CAMSAP1: variants seen among roughly 807,000 people sequenced by gnomAD.
The protein encoded by CAMSAP1 is calmodulin-regulated spectrin-associated protein 1.
In CAMSAP1, 58 loss-of-function variants were observed where a neutral mutation model predicts 143.5. The ratio of observed to expected loss-of-function variants is 0.40; its 90% CI spans 0.33 to 0.50. The LOEUF (loss-of-function observed/expected upper bound fraction) is 0.50. Among genes scored for constraint, CAMSAP1 ranks in the 20% least tolerant of loss-of-function variants. The pLI is 0.45. For missense variants in CAMSAP1, 1,969 were observed against 2,115.7 expected (o/e 0.93, Z 1.36); for synonymous variants, 945 against 859.3 (o/e 1.10, Z -1.74).
intron 1 of CAMSAP1, among the ~76,000 whole-genome samples, chr9:135,897,891 C>T (rs531846105): frequency 3.9e-5 from 6 of 152,228 alleles, no homozygotes; most frequent in Middle Eastern, 3.4e-3. Context: ...TACTATATTT[C>T]GTTATAGCAG....
chr9:135,896,212 G>C (rs375763744), intron 1 of CAMSAP1, among the ~76,000 whole-genome samples: 9 of 151,466 alleles, frequency 5.9e-5, no homozygotes, highest in African/African-American at 2.2e-4. Context: ...CTAAAAGGAG[G>C]GAAAAAAGAT....
In CAMSAP1 at chr9:135,907,284, C is replaced by T; in HGVS notation, c.-125G>A. On this transcript the variant is annotated 5_prime_UTR_variant, in exon 1 of 17. Coordinates refer to ENST00000389532, the MANE Select transcript of CAMSAP1 (RefSeq NM_015447.4). The stretch of plus-strand genomic sequence containing the variant: ...GCAGCCGGCCAGCCGGGAGGGGCGC[C>T]CGAGCGCGGCCCCCGCCTCACCTCA... The T allele has an allele frequency of 2.0e-6, 1 of 506,940 alleles. No individual in the cohort carries two copies. The highest frequency in any genetic ancestry group is 2.5e-6 in the Non-Finnish European group (1 of 394,308). 31.4% of individuals were successfully genotyped at this position (506,940 alleles called of 1,614,324 possible). A position where few individuals can be genotyped will look rare whatever the true frequency, so the allele number is the denominator to read the frequency against.
Position 135,818,174 on chromosome 9 carries a change from G to C in CAMSAP1, c.4169-95C>G. The stretch of plus-strand genomic sequence containing the variant: ...TGTTCCCCTCACCTCGCCCTGCAGA[G>C]CTCGGCCACACAGGCCGCGTCCCCA... On this transcript the variant is annotated intron_variant, in intron 13 of 16. Transcript: ENST00000389532. This position sits in a 1 kb window ranked among gnomAD's most constrained non-coding sequence, Gnocchi z 7.7. 1 of 1,353,092 alleles carries C rather than the reference G, an allele frequency of 7.4e-7. No homozygotes were observed. The highest frequency in any genetic ancestry group is 1.0e-6 in the Non-Finnish European group (1 of 974,860). 83.8% of individuals were successfully genotyped at this position (1,353,092 alleles called of 1,614,324 possible). A position where few individuals can be genotyped will look rare whatever the true frequency, so the allele number is the denominator to read the frequency against.
intron 1 of CAMSAP1, among the ~76,000 whole-genome samples, chr9:135,890,713 C>T (rs984918612): frequency 1.3e-5 from 2 of 152,192 alleles, no homozygotes; most frequent in African/African-American, 2.4e-5. Flanking sequence ...TCCAAGGGAC[C>T]GCTGGAAGCC....
intron 7 of CAMSAP1, among the ~76,000 whole-genome samples, chr9:135,828,133 T>C (rs1203339452): frequency 6.6e-6 from 1 of 152,252 alleles, no homozygotes. Flanking sequence ...TGAGCCTGGC[T>C]GGGGCGCCAT....
intron 1 of CAMSAP1, among the ~76,000 whole-genome samples, chr9:135,896,096 C>T (rs556280234): frequency 5.9e-5 from 9 of 152,084 alleles, no homozygotes; most frequent in African/African-American, 2.2e-4. Context: ...TCTAAATACA[C>T]CAATCAAAAG....
In CAMSAP1 at chr9:135,820,182, A is replaced by G. The variant is rs1835393108; in HGVS notation, c.3822+657T>C. 6.6e-6 allele frequency among the ~76,000 whole-genome samples: 1 copy of G among 152,162 alleles called. No individual in the cohort carries two copies. Among genetic ancestry groups the G allele is most frequent in the South Asian group, 2.1e-4 (1 of 4,824 alleles). ...CCTGCACAGCACATTACTGTACCCA[A>G]TACTGTAAGTAACTGTGTATCAAAA... On this transcript the variant is annotated intron_variant, in intron 11 of 16. Transcript: ENST00000389532. The surrounding 1 kb of genome is among the most constrained non-coding windows in gnomAD (Gnocchi z 4.4).
intron 1 of CAMSAP1, among the ~76,000 whole-genome samples, chr9:135,901,493 G>A (rs1838616031): frequency 6.6e-6 from 1 of 152,058 alleles, no homozygotes; most frequent in African/African-American, 2.4e-5. Context: ...TCCTAGCTGT[G>A]ATCCTAGCAA....
At chr9:135,842,939 G>A (rs926266302) in intron 7 of CAMSAP1, among the ~76,000 whole-genome samples, 1 of 152,048 alleles carries the variant, frequency 6.6e-6, no homozygotes, top group Non-Finnish European at 1.5e-5. Context: ...TCAACTAACG[G>A]GCAAAATAAG....
chr9:135,819,855 A>G (rs1038149157), intron 11 of CAMSAP1, among the ~76,000 whole-genome samples: 1 of 152,040 alleles, frequency 6.6e-6, no homozygotes, highest in African/African-American at 2.4e-5. Flanking sequence ...CAAAAAAAAA[A>G]AAGCGAAAAA....
intron 7 of CAMSAP1, among the ~76,000 whole-genome samples, chr9:135,840,203 G>A (rs1836288722): frequency 6.6e-6 from 1 of 152,188 alleles, no homozygotes; most frequent in Admixed American, 6.5e-5. Context: ...ACTACCCAAC[G>A]GTTGGCAGTA....
Position 135,820,725 on chromosome 9 carries a change from G to A in CAMSAP1, c.3822+114C>T. The A allele has an allele frequency of 1.5e-6, 2 of 1,346,390 alleles. No individual in the cohort carries two copies. The highest frequency in any genetic ancestry group is 1.0e-6 in the Non-Finnish European group (1 of 987,088). The allele number at this position is 1,346,390 out of a possible 1,614,324, so 83.4% of individuals were successfully genotyped here. ...CAAAGCTAAACACACACATCCCCTG[G>A]CCTCTTACAGGAGCGGCTGGCCAGC... is the stretch of plus-strand genomic sequence containing the variant. On this transcript the variant is annotated intron_variant, in intron 11 of 16. Transcript: ENST00000389532. This position sits in a 1 kb window ranked among gnomAD's most constrained non-coding sequence, Gnocchi z 4.4.
chr9:135,814,665 C>T (rs1453531179), intron 16 of CAMSAP1, among the ~76,000 whole-genome samples: 1 of 152,190 alleles, frequency 6.6e-6, no homozygotes, highest in Non-Finnish European at 1.5e-5. Context: ...CTCGGTCCTC[C>T]CCAACCCACC....
At chr9:135,831,041 G>A (rs549078676) in intron 7 of CAMSAP1, among the ~76,000 whole-genome samples, 14 of 152,040 alleles carry the variant, frequency 9.2e-5, no homozygotes, top group East Asian at 3.9e-4. Flanking sequence ...GCGTGGTGGC[G>A]GGCGCCTGTA....
chr9:135,866,778 C>T (rs977934622), intron 3 of CAMSAP1, among the ~76,000 whole-genome samples: 7 of 152,172 alleles, frequency 4.6e-5, no homozygotes, highest in East Asian at 1.9e-4. Context: ...CAGCGCAGTG[C>T]TCCCCCGTCA....
At chr9:135,899,612 T>C (rs1838558188) in intron 1 of CAMSAP1, among the ~76,000 whole-genome samples, 2 of 152,134 alleles carry the variant, frequency 1.3e-5, no homozygotes, top group Admixed American at 1.3e-4. Context: ...ACTCAAAGCA[T>C]TCTGCGCTCT....
At position 135,882,831 on chromosome 9, in the gene CAMSAP1, G is replaced by C. The variant is rs760628469; in HGVS notation, c.408C>G (p.Arg136=). The change falls in exon 2 of 17, where the codon CGC becomes CGG. Residue 136 remains arginine (R), a synonymous_variant. Coordinates refer to ENST00000389532, the MANE Select transcript of CAMSAP1 (RefSeq NM_015447.4). This position sits in a 1 kb window ranked among gnomAD's most constrained non-coding sequence, Gnocchi z 4.9. ...DTPVTESDLS[R]APIKMSAHMA... Reference sequence around the variant, plus strand: ...GACCACTCACCATTTTTATGGGTGCGCGACTGAGGTCGGACTCTGTCACGG... The same window carrying C: ...GACCACTCACCATTTTTATGGGTGCCCGACTGAGGTCGGACTCTGTCACGG... 2 of 1,550,744 alleles carry C rather than the reference G, an allele frequency of 1.3e-6. No individual in the cohort carries two copies. The highest frequency in any genetic ancestry group is 2.7e-5 in the African/African-American group (2 of 73,124).
intron 7 of CAMSAP1, among the ~76,000 whole-genome samples, chr9:135,840,428 T>A (rs967325346): frequency 6.6e-6 from 1 of 152,048 alleles, no homozygotes; most frequent in Non-Finnish European, 1.5e-5. Context: ...AGAAGGGGGC[T>A]CCAGCCATGA....
Position 135,809,516 on chromosome 9 carries a change from G to A in CAMSAP1, c.*1793C>T, listed in dbSNP as rs1834964755. On this transcript the variant is annotated 3_prime_UTR_variant, in exon 17 of 17. Coordinates refer to ENST00000389532, the MANE Select transcript of CAMSAP1 (RefSeq NM_015447.4). ...AAGAACAATGTGAAACTCCTATAAA[G>A]CAAGGAGTTGGTGTCGCCTGGTCAG... 6 of 152,470 alleles carry A rather than the reference G, an allele frequency of 3.9e-5. No homozygotes were observed. The highest frequency in any genetic ancestry group is 4.1e-4 in the South Asian group (2 of 4,828). 9.4% of individuals were successfully genotyped at this position (152,470 alleles called of 1,614,324 possible). A position where few individuals can be genotyped will look rare whatever the true frequency, so the allele number is the denominator to read the frequency against.
Sources: gnomAD v4.1 joint callset for allele counts (sites outside exome capture counted in the v4.1 genomes callset) on GRCh38, gnomAD v4.1.1 for gene constraint, Gnocchi (gnomAD v3.1) non-coding constraint, MANE v1.5 for transcripts, NCBI Gene and HGNC (gene_info 2026-07-23, HGNC 2026-07-21) for gene names.